The following NEGR1 variants were observed in gnomAD, a reference collection of about 807,000 sequenced individuals.
NEGR1 encodes the protein IgLON family member 4.
Under a neutral mutation model 40.9 loss-of-function variants are expected in NEGR1, and 10 were observed. The observed-to-expected ratio is 0.24, with a 90% confidence interval of 0.15 to 0.42. The LOEUF is 0.42. Among genes scored for constraint, NEGR1 ranks in the 10% least tolerant of loss-of-function variants. NEGR1 has a pLI of 1.00. For missense variants in NEGR1, 352 were observed against 438.9 expected, an observed-to-expected ratio of 0.80 and a Z score of 1.77; for synonymous variants, 185 against 166.8, an observed-to-expected ratio of 1.11 and a Z score of -0.84.
intron 2 of NEGR1, among the ~76,000 whole-genome samples, chr1:71,904,282 T>C (rs1253906903): frequency 6.6e-6 from 1 of 152,034 alleles, no homozygotes; most frequent in Non-Finnish European, 1.5e-5. Context: ...CGAGAAGTTA[T>C]ATTGTAAATT....
chr1:72,148,953 T>C (rs1212637626), intron 1 of NEGR1, among the ~76,000 whole-genome samples: 2 of 152,176 alleles, frequency 1.3e-5, no homozygotes, highest in African/African-American at 4.8e-5. Flanking sequence ...CTGCCTGTTA[T>C]CCAGTTCCAA....
intron 4 of NEGR1, among the ~76,000 whole-genome samples, chr1:71,638,109 C>T (rs1651221180): frequency 6.6e-6 from 1 of 152,044 alleles, no homozygotes; most frequent in Non-Finnish European, 1.5e-5. Flanking sequence ...TCTCATTACA[C>T]TGACAAAATA....
intron 2 of NEGR1, among the ~76,000 whole-genome samples, chr1:71,848,956 G>T (rs968617905): frequency 1.3e-5 from 2 of 152,096 alleles, no homozygotes; most frequent in Non-Finnish European, 2.9e-5. Flanking sequence ...CGGGTGTGGG[G>T]GCGCACGCCT....
At chr1:71,560,449 G>GATATATATATATATATATATATATA (rs1648416073) in intron 6 of NEGR1, among the ~76,000 whole-genome samples, 1 of 116,760 alleles carries the variant, frequency 8.6e-6, no homozygotes, top group African/African-American at 3.1e-5. Flanking sequence ...ATATATATAT[G>GATATATATATATATATATATATATA]TATATATATA....
intron 4 of NEGR1, among the ~76,000 whole-genome samples, chr1:71,697,512 T>C (rs1163360823): frequency 3.3e-5 from 5 of 151,836 alleles, no homozygotes; most frequent in South Asian, 4.1e-4. Flanking sequence ...ACAATGCTTA[T>C]GGAAAAATTC....
intron 1 of NEGR1, among the ~76,000 whole-genome samples, chr1:71,951,905 T>A (rs2100274811): frequency 6.6e-6 from 1 of 152,066 alleles, no homozygotes; most frequent in Non-Finnish European, 1.5e-5. Context: ...TTATCTTTGA[T>A]GTTACCATTA....
intron 3 of NEGR1, among the ~76,000 whole-genome samples, chr1:71,771,754 T>C (rs989540960): frequency 1.1e-4 from 5 of 43,808 alleles, no homozygotes; most frequent in African/African-American, 1.6e-4. Flanking sequence ...GCCATAAAAA[T>C]AAACAAACAA....
chr1:72,237,917 TAAATG>T, intron 1 of NEGR1, among the ~76,000 whole-genome samples: 1 of 152,014 alleles, frequency 6.6e-6, no homozygotes. Flanking sequence ...TTGTGAACAT[TAAATG>T]AGATAACTTA....
chr1:72,085,127 T>C (rs575062233), intron 1 of NEGR1, among the ~76,000 whole-genome samples: 17 of 152,218 alleles, frequency 1.1e-4, no homozygotes, highest in Non-Finnish European at 2.2e-4. Context: ...CACCAGATTA[T>C]TTTGTATAAG....
At chr1:71,500,069 CA>C (rs1280241582) in intron 6 of NEGR1, among the ~76,000 whole-genome samples, 1 of 151,800 alleles carries the variant, frequency 6.6e-6, no homozygotes, top group Non-Finnish European at 1.5e-5. Flanking sequence ...AATGTAATAC[CA>C]AAAGCATTAG....
chr1:71,506,617 G>T (rs1647036544), intron 6 of NEGR1, among the ~76,000 whole-genome samples: 1 of 152,110 alleles, frequency 6.6e-6, no homozygotes, highest in African/African-American at 2.4e-5. Context: ...TCATAACAAT[G>T]AATACTTGCC....
chr1:72,274,527 C>A, intron 1 of NEGR1: 1 of 693,948 alleles, frequency 1.4e-6, no homozygotes, highest in Non-Finnish European at 2.7e-6. Context: ...TATCGGTATC[C>A]CAATGTTTGT....
chr1:72,192,395 A>C (rs2100431236), intron 1 of NEGR1, among the ~76,000 whole-genome samples: 1 of 151,992 alleles, frequency 6.6e-6, no homozygotes, highest in South Asian at 2.1e-4. Flanking sequence ...AAAAAAGAGC[A>C]GTTTTGGCAG....
At position 71,611,111 on chromosome 1, in the gene NEGR1, C is replaced by T. The variant is rs145840571; in HGVS notation, c.703G>A (p.Val235Met). 7.3e-5 allele frequency: 118 copies of T among 1,613,626 alleles called. No individual in the cohort carries two copies. The highest frequency in any genetic ancestry group is 9.1e-5 in the Non-Finnish European group (107 of 1,179,814). Residue 235 changes from valine (V) to methionine (M), a missense_variant, in exon 5 of 7, where the codon GTG becomes ATG. Coordinates refer to ENST00000357731, the MANE Select transcript of NEGR1 (RefSeq NM_173808.3). ...PTIQEIKSGT[V>M]TPGRSGLIRC... is the part of the protein sequence containing the mutation. ...ATCAGGCCACTGCGTCCGGGGGTCACGGTGCCAGATTTAATTTCCTGAATA... is the reference window on the plus strand; with the variant it reads ...ATCAGGCCACTGCGTCCGGGGGTCATGGTGCCAGATTTAATTTCCTGAATA...
intron 1 of NEGR1, among the ~76,000 whole-genome samples, chr1:72,025,270 C>A (rs1646796844): frequency 6.6e-6 from 1 of 152,056 alleles, no homozygotes; most frequent in Non-Finnish European, 1.5e-5. Context: ...CGAGAAAAGG[C>A]CTACATAGAC....
chr1:71,758,191 T>C (rs1655807711), intron 3 of NEGR1, among the ~76,000 whole-genome samples: 1 of 152,100 alleles, frequency 6.6e-6, no homozygotes, highest in South Asian at 2.1e-4. Context: ...TAATATTGCC[T>C]TTTCAATAGA....
intron 1 of NEGR1, among the ~76,000 whole-genome samples, chr1:72,263,343 T>A (rs1252995213): frequency 6.6e-6 from 1 of 151,594 alleles, no homozygotes; most frequent in Non-Finnish European, 1.5e-5. Context: ...CAGATTTTTT[T>A]AAAAGAGTGC....
At chr1:71,685,285 T>C (rs1224184180) in intron 4 of NEGR1, among the ~76,000 whole-genome samples, 2 of 152,126 alleles carry the variant, frequency 1.3e-5, no homozygotes, top group African/African-American at 2.4e-5. Flanking sequence ...ATTATTCATG[T>C]TTCCTGGATT....
chr1:72,185,816 T>C (rs576004909), intron 1 of NEGR1, among the ~76,000 whole-genome samples: 27 of 151,774 alleles, frequency 1.8e-4, no homozygotes, highest in Non-Finnish European at 2.8e-4. Flanking sequence ...CACATTTATG[T>C]TAAGTTGTCC....
Sources: gnomAD v4.1 joint callset for allele counts (sites outside exome capture counted in the v4.1 genomes callset) on GRCh38, gnomAD v4.1.1 for gene constraint, MANE v1.5 for transcripts, NCBI Gene and HGNC (gene_info 2026-07-23, HGNC 2026-07-21) for gene names.